CCDC187: variants seen among roughly 807,000 people sequenced by gnomAD.
CCDC187 encodes the protein coiled-coil domain containing 187.
In CCDC187, 32 loss-of-function variants were observed where a neutral mutation model predicts 38.0. That is an observed-to-expected ratio of 0.84 (90% CI 0.64 to 1.13). The LOEUF (loss-of-function observed/expected upper bound fraction) is 1.13, where lower values mean the gene tolerates loss of function less well. Among genes scored for constraint, CCDC187 ranks in the 50% most tolerant of loss-of-function variants. The pLI is 0.00. For synonymous variants in CCDC187, 333 were observed against 347.9 expected, an observed-to-expected ratio of 0.96 and a Z score of 0.48; for missense variants, 707 against 786.8, an observed-to-expected ratio of 0.90 and a Z score of 1.21.
At chr9:136,280,108 G>A (rs1192681446) in intron 10 of CCDC187, among the ~76,000 whole-genome samples, 1 of 152,208 alleles carries the variant, frequency 6.6e-6, no homozygotes, top group Non-Finnish European at 1.5e-5. Context: ...AGAGGCCCAC[G>A]GGGGCCTTCC....
upstream of CCDC187, among the ~76,000 whole-genome samples, chr9:136,306,187 C>A (rs2131378328): frequency 6.6e-6 from 1 of 152,310 alleles, no homozygotes; most frequent in East Asian, 1.9e-4. Context: ...GCCCCCCTGT[C>A]CCCAGCAGCA....
chr9:136,259,339 AG>A (rs1554760736), intron 21 of CCDC187, 23 bp downstream of exon 21: 2 of 964,780 alleles, frequency 2.1e-6, no homozygotes, highest in Non-Finnish European at 2.4e-6. Context: ...TGCTGGGGAA[AG>A]GGCTTCCAGG....
chr9:136,289,925 C>A (rs1000272464), intron 7 of CCDC187, 34 bp downstream of exon 7: 9 of 396,512 alleles, frequency 2.3e-5, no homozygotes, highest in Non-Finnish European at 3.6e-5. Flanking sequence ...AAGGCCCCGC[C>A]CGGCATGTGC....
intron 14 of CCDC187, among the ~76,000 whole-genome samples, chr9:136,269,929 A>G (rs1554762153): frequency 6.6e-6 from 1 of 152,258 alleles, no homozygotes; most frequent in Non-Finnish European, 1.5e-5. Flanking sequence ...TAAACTGATG[A>G]AAATTAAATC....
upstream of CCDC187, among the ~76,000 whole-genome samples, chr9:136,306,417 G>A (rs997705311): frequency 6.6e-6 from 1 of 152,186 alleles, no homozygotes; most frequent in African/African-American, 2.4e-5. Flanking sequence ...TCCCTGGGGG[G>A]ACGGTCCCCT....
chr9:136,302,016 C>T (rs982139921), intron 2 of CCDC187, among the ~76,000 whole-genome samples: 7 of 151,950 alleles, frequency 4.6e-5, no homozygotes, highest in Non-Finnish European at 1.0e-4. Context: ...TCGAGGCCAG[C>T]CTGGCCAACA....
At chr9:136,278,640 C>T (rs1347286395) in intron 10 of CCDC187, among the ~76,000 whole-genome samples, 1 of 152,194 alleles carries the variant, frequency 6.6e-6, no homozygotes, top group Non-Finnish European at 1.5e-5. Context: ...TAACTAGCTA[C>T]GTTCTCAGTC....
intron 14 of CCDC187, 63 bp downstream of exon 14, chr9:136,274,595 T>G (rs1441701470): frequency 6.6e-6 from 1 of 152,454 alleles, no homozygotes; most frequent in Non-Finnish European, 1.5e-5. Context: ...CCCTCTCGGG[T>G]TCACACTGGC....
intron 8 of CCDC187, 46 bp from the exon 9 acceptor site, chr9:136,285,652 C>T: frequency 2.5e-6 from 1 of 399,668 alleles, no homozygotes; most frequent in Non-Finnish European, 4.4e-6. Context: ...CAGCCGGGAG[C>T]ACGGGACGGG....
At chr9:136,292,129 C>T in intron 5 of CCDC187, 32 bp downstream of exon 5, 1 of 398,688 alleles carries the variant, frequency 2.5e-6, no homozygotes, top group Non-Finnish European at 4.4e-6. Context: ...CACAGCAGAG[C>T]AGGACAGAGC....
intron 14 of CCDC187, among the ~76,000 whole-genome samples, chr9:136,268,910 C>CCCGTCTCTACTAAAATACAAAAAAT: frequency 1.3e-5 from 2 of 152,236 alleles, no homozygotes. Context: ...GGAGGGGAAG[C>CCCGTCTCTACTAAAATACAAAAAAT]TGGCTGAGCT....
At chr9:136,259,526 G>T in intron 20 of CCDC187, 78 bp from the exon 21 acceptor site, 2 of 687,448 alleles carry the variant, frequency 2.9e-6, no homozygotes, top group Non-Finnish European at 3.6e-6. Context: ...GGCAGGGGCA[G>T]AATGGAGCTG....
intron 7 of CCDC187, 141 bp from the exon 8 acceptor site, chr9:136,286,836 C>T (rs1456184791): frequency 1.0e-5 from 4 of 397,142 alleles, no homozygotes; most frequent in African/African-American, 2.1e-5. Context: ...ACCAGGGAAG[C>T]GGTGACGGTA....
intron 1 of CCDC187, 84 bp from the exon 2 acceptor site, chr9:136,303,377 C>T (rs918816428): frequency 1.7e-4 from 66 of 388,540 alleles, no homozygotes; most frequent in East Asian, 4.7e-4. Context: ...CCCACCTCCC[C>T]GGGCATTCCT....
At chr9:136,292,825 C>T (rs899526675) in intron 4 of CCDC187, among the ~76,000 whole-genome samples, 2 of 152,210 alleles carry the variant, frequency 1.3e-5, no homozygotes, top group Admixed American at 6.5e-5. Context: ...AGCAGTCACA[C>T]GGGTGGGCAG....
chr9:136,288,556 C>T (rs1194777671), intron 7 of CCDC187, among the ~76,000 whole-genome samples: 1 of 152,152 alleles, frequency 6.6e-6, no homozygotes, highest in Non-Finnish European at 1.5e-5. Context: ...AGGTGCCTAG[C>T]GTGAGGCCAG....
intron 5 of CCDC187, 88 bp downstream of exon 5, chr9:136,292,073 G>A (rs1293680615): frequency 3.5e-5 from 14 of 398,366 alleles, no homozygotes; most frequent in East Asian, 1.1e-4. Context: ...CCTTCCAGGC[G>A]GCCTGGAGCC....
rs1186850838 is a variant in CCDC187 at position 136,264,123 on chromosome 9, T to G, written c.3736-325A>C. 6.6e-6 allele frequency: 1 copy of G among 152,498 alleles called. No individual in the cohort carries two copies. Among genetic ancestry groups the G allele is most frequent in the African/African-American group, 2.4e-5 (1 of 41,476 alleles). The allele number at this position is 152,498 out of a possible 1,614,324, so 9.4% of individuals were successfully genotyped here. ...GGCTCCAGGCACTGCCCCCACCCCG[T>G]CACTCCTTTACAACTGTTCTTTCTG... On this transcript the variant is annotated intron_variant, in intron 17 of 25. Coordinates refer to ENST00000638797, the MANE Select transcript of CCDC187 (RefSeq NM_001378188.1). This position sits in a 1 kb window ranked among gnomAD's most constrained non-coding sequence, Gnocchi z 4.3.
rs1458984716 is a variant in CCDC187, at chr9:136,293,401, ACAAACACT to A, written c.833-1114_833-1107del. On this transcript the variant is annotated intron_variant, in intron 4 of 25. Coordinates refer to ENST00000638797, the MANE Select transcript of CCDC187 (RefSeq NM_001378188.1). ...CTCACACTCACATGCTCACACACTC[ACAAACACT>A]CACATGCTCACATACTCTCACATGC... Among the ~76,000 whole-genome samples, 102 of 85,452 alleles carry A rather than the reference ACAAACACT, an allele frequency of 1.2e-3. 3 individuals are homozygous for A. Among genetic ancestry groups the A allele is most frequent in the South Asian group, 2.3e-3 (7 of 3,000 alleles). The allele number at this position is 85,452 out of a possible 152,430, so 56.1% of individuals were successfully genotyped here.
Sources: gnomAD v4.1 joint callset for allele counts (sites outside exome capture counted in the v4.1 genomes callset) on GRCh38, gnomAD v4.1.1 for gene constraint, Gnocchi (gnomAD v3.1) non-coding constraint, MANE v1.5 for transcripts, NCBI Gene and HGNC (gene_info 2026-07-23, HGNC 2026-07-21) for gene names.